Variants in IFT56 observed in about 807,000 individuals in gnomAD.
IFT56 encodes the protein intraflagellar transport protein 56.
chr7:139,165,024 T>C, the IFT56 span: 1 of 716,478 alleles, frequency 1.4e-6, no homozygotes, highest in Non-Finnish European at 2.2e-6. Context: ...CCAGAGCTAT[T>C]TTAGTTGAAT....
At chr7:139,147,749 C>T in the IFT56 span, among the ~76,000 whole-genome samples, 1 of 152,144 alleles carries the variant, frequency 6.6e-6, no homozygotes, top group East Asian at 1.9e-4. Context: ...AAATTAGATA[C>T]AAATCATTCT....
chr7:139,179,556 T>C, the IFT56 span: 1 of 1,611,342 alleles, frequency 6.2e-7, no homozygotes, highest in South Asian at 1.1e-5. Context: ...GTATTCCCTT[T>C]CTTTCCTCTT....
the IFT56 span, chr7:139,133,833 G>A: frequency 1.2e-6 from 2 of 1,614,176 alleles, no homozygotes; most frequent in South Asian, 1.1e-5. Context: ...GCTGTGTGGT[G>A]GGGACTCACA....
the IFT56 span, chr7:139,174,382 C>T: frequency 1.2e-3 from 539 of 452,938 alleles, 8 homozygotes; most frequent in South Asian, 8.4e-3. Context: ...ACTGGCGGCC[C>T]GCGTTGGCAT....
the IFT56 span, among the ~76,000 whole-genome samples, chr7:139,166,287 T>A: frequency 6.6e-6 from 1 of 152,130 alleles, no homozygotes; most frequent in Non-Finnish European, 1.5e-5. Flanking sequence ...AAAAGAAATA[T>A]GTTTTGGACA....
At chr7:139,147,892 C>T in the IFT56 span, among the ~76,000 whole-genome samples, 3,423 of 152,192 alleles carry the variant, frequency 0.022, 95 homozygotes, top group African/African-American at 0.076. Flanking sequence ...AGCCATCAAG[C>T]CTATGTGTCT....
At chr7:139,151,265 G>A in the IFT56 span, among the ~76,000 whole-genome samples, 1 of 152,208 alleles carries the variant, frequency 6.6e-6, no homozygotes, top group Non-Finnish European at 1.5e-5. Context: ...GAGATCAGGA[G>A]TGAGTGAGTA....
the IFT56 span, among the ~76,000 whole-genome samples, chr7:139,141,315 A>G: frequency 6.6e-6 from 1 of 151,182 alleles, no homozygotes; most frequent in Non-Finnish European, 1.5e-5. Context: ...TACAGTGGCT[A>G]TTCATAGGTG....
the IFT56 span, among the ~76,000 whole-genome samples, chr7:139,137,297 G>C: frequency 5.9e-5 from 9 of 152,184 alleles, no homozygotes; most frequent in African/African-American, 1.7e-4. Context: ...CTTAACTCTT[G>C]TAGGCCTGGT....
chr7:139,189,264 A>G, the IFT56 span: 1 of 1,323,110 alleles, frequency 7.6e-7, no homozygotes. Context: ...AGTTTATTTT[A>G]TTTTTTAATT....
chr7:139,146,766 CAAAA>C, the IFT56 span, among the ~76,000 whole-genome samples: 1 of 88,730 alleles, frequency 1.1e-5, no homozygotes, highest in South Asian at 3.5e-4. Flanking sequence ...GACTCCGTTT[CAAAA>C]AAAAAAAAAA....
At chr7:139,134,669 C>T in the IFT56 span, 1 of 1,609,800 alleles carries the variant, frequency 6.2e-7, no homozygotes. Context: ...TTTCAAGGGC[C>T]AAACCTGCTG....
chr7:139,161,117 C>A, the IFT56 span: 2 of 1,117,030 alleles, frequency 1.8e-6, no homozygotes, highest in Non-Finnish European at 2.6e-6. Context: ...GATGCGCCAG[C>A]AAGTAATGCT....
the IFT56 span, among the ~76,000 whole-genome samples, chr7:139,145,328 A>G: frequency 1.3e-5 from 2 of 151,978 alleles, no homozygotes; most frequent in African/African-American, 4.8e-5. Context: ...GGTACTAAAT[A>G]TCAGAATCAC....
At chr7:139,162,099 A>T in the IFT56 span, among the ~76,000 whole-genome samples, 1 of 152,228 alleles carries the variant, frequency 6.6e-6, no homozygotes, top group African/African-American at 2.4e-5. Context: ...CCAAAACAGC[A>T]TCTGTATTTA....
the IFT56 span, among the ~76,000 whole-genome samples, chr7:139,152,554 A>C: frequency 6.6e-6 from 1 of 152,180 alleles, no homozygotes. Context: ...AAAAGACAAA[A>C]CCCTAATATA....
the IFT56 span, among the ~76,000 whole-genome samples, chr7:139,176,585 A>G: frequency 6.6e-6 from 1 of 152,332 alleles, no homozygotes; most frequent in East Asian, 1.9e-4. Flanking sequence ...AAAGGGGTAT[A>G]AAAAGAGATG....
chr7:139,176,871 G>A, the IFT56 span, among the ~76,000 whole-genome samples: 1 of 151,994 alleles, frequency 6.6e-6, no homozygotes, highest in Admixed American at 6.6e-5. Context: ...TAGGGCAGAT[G>A]GATCAGAAAC....
chr7:139,133,825 T>C, the IFT56 span: 2 of 1,614,168 alleles, frequency 1.2e-6, no homozygotes, highest in South Asian at 2.2e-5. Context: ...CGGCCTTCGC[T>C]GTGTGGTGGG....
Sources: allele counts gnomAD v4.1 joint callset (sites outside exome capture counted in the v4.1 genomes callset), GRCh38; gene constraint gnomAD v4.1.1; transcripts MANE v1.5; gene names NCBI Gene and HGNC (gene_info 2026-07-23, HGNC 2026-07-21).